The following GRIP1 variants were observed in gnomAD, a reference collection of about 807,000 sequenced individuals.
GRIP1 encodes glutamate receptor interacting protein 1.
In GRIP1, 45 loss-of-function variants were observed where a neutral mutation model predicts 129.9. The ratio of observed to expected loss-of-function variants is 0.35; its 90% CI spans 0.27 to 0.44. GRIP1 has a LOEUF of 0.44. GRIP1 is among the 20% of genes least tolerant of loss of function. GRIP1 has a pLI of 1.00. For missense variants in GRIP1, 1,196 were observed against 1,396.8 expected, an observed-to-expected ratio of 0.86 and a Z score of 2.29; for synonymous variants, 530 against 520.8, an observed-to-expected ratio of 1.02 and a Z score of -0.24.
In GRIP1 at chr12:66,348,709, A is replaced by T; in HGVS notation, c.*310T>A. 2.9e-6 allele frequency: 1 copy of T among 347,006 alleles called. No individual in the cohort carries two copies. Among genetic ancestry groups the T allele is most frequent in the Non-Finnish European group, 5.3e-6 (1 of 188,678 alleles). The allele number at this position is 347,006 out of a possible 1,614,324, so 21.5% of individuals were successfully genotyped here. ...CAGATGTTTCTCTTTTTAAAAAGTG[A>T]TAGTAAGATGAACTTGTAAAAAATT... On this transcript the variant is annotated 3_prime_UTR_variant, in exon 25 of 25. Coordinates refer to ENST00000359742, the MANE Select transcript of GRIP1 (RefSeq NM_001366722.1).
intron 11 of GRIP1, among the ~76,000 whole-genome samples, chr12:66,450,937 C>T (rs932708429): frequency 1.8e-4 from 28 of 152,284 alleles, no homozygotes; most frequent in Middle Eastern, 3.4e-3. Flanking sequence ...AATATTCCCC[C>T]GTCATTTGAA....
chr12:66,972,159 G>A (rs1350723513), intron 1 of GRIP1, among the ~76,000 whole-genome samples: 1 of 152,170 alleles, frequency 6.6e-6, no homozygotes. Flanking sequence ...TTCATCTGCA[G>A]TAAAAGAAAC....
At chr12:66,752,357 A>T (rs774904418) in intron 1 of GRIP1, among the ~76,000 whole-genome samples, 1 of 152,178 alleles carries the variant, frequency 6.6e-6, no homozygotes, top group Non-Finnish European at 1.5e-5. Context: ...TGTATATTTA[A>T]AGTGTTTTCT....
chr12:66,456,747 C>T (rs754776303), intron 9 of GRIP1, among the ~76,000 whole-genome samples: 3 of 152,088 alleles, frequency 2.0e-5, no homozygotes, highest in Non-Finnish European at 4.4e-5. Flanking sequence ...GTTAGTAGCA[C>T]TTGTTTTGAG....
intron 2 of GRIP1, among the ~76,000 whole-genome samples, chr12:66,584,870 T>C (rs1056565312): frequency 6.6e-6 from 1 of 151,900 alleles, no homozygotes; most frequent in African/African-American, 2.4e-5. Flanking sequence ...ATACTCTCTG[T>C]GGATGACCTC....
At chr12:66,414,932 T>TATAAAATAAAATAAA (rs56917803) in intron 15 of GRIP1, among the ~76,000 whole-genome samples, 5,662 of 121,932 alleles carry the variant, frequency 0.046, 277 homozygotes, top group African/African-American at 0.071. Flanking sequence ...TTACACCTTA[T>TATAAAATAAAATAAA]ATAAAATAAA....
At chr12:66,653,868 C>G in intron 1 of GRIP1, among the ~76,000 whole-genome samples, 1 of 152,118 alleles carries the variant, frequency 6.6e-6, no homozygotes, top group African/African-American at 2.4e-5. Flanking sequence ...GAGTAGAGAC[C>G]AGAGGTGTCC....
intron 1 of GRIP1, among the ~76,000 whole-genome samples, chr12:66,974,874 T>C (rs2042129462): frequency 6.6e-6 from 1 of 152,196 alleles, no homozygotes; most frequent in Non-Finnish European, 1.5e-5. Context: ...ATGTGTTCAA[T>C]GGCTCTGCTT....
At chr12:66,628,614 G>T (rs926725111) in intron 1 of GRIP1, among the ~76,000 whole-genome samples, 2 of 152,150 alleles carry the variant, frequency 1.3e-5, no homozygotes. Flanking sequence ...AAAATTTCTT[G>T]TAATTTTCCT....
intron 1 of GRIP1, among the ~76,000 whole-genome samples, chr12:66,917,709 C>T (rs2041147722): frequency 6.6e-6 from 1 of 152,112 alleles, no homozygotes; most frequent in East Asian, 1.9e-4. Flanking sequence ...TTCTGAGACA[C>T]TTTAAAAACA....
intron 1 of GRIP1, among the ~76,000 whole-genome samples, chr12:66,677,972 C>T (rs2034416947): frequency 6.6e-6 from 1 of 152,016 alleles, no homozygotes; most frequent in African/African-American, 2.4e-5. Context: ...CAACTAAATA[C>T]TTTTACTCAG....
chr12:66,797,090 T>C (rs572576569), intron 1 of GRIP1, among the ~76,000 whole-genome samples: 3 of 152,262 alleles, frequency 2.0e-5, no homozygotes, highest in African/African-American at 4.8e-5. Flanking sequence ...GATAGTGGGG[T>C]AGAATTCTAA....
At chr12:66,449,426 T>C (rs2058714630) in intron 11 of GRIP1, among the ~76,000 whole-genome samples, 1 of 138,312 alleles carries the variant, frequency 7.2e-6, no homozygotes. Flanking sequence ...AAGTAGATCA[T>C]TTGTCTAGGA....
At position 66,856,053 on chromosome 12, in the gene GRIP1, C is replaced by T. The variant is rs184069675; in HGVS notation, c.58+212997G>A. Among the ~76,000 whole-genome samples, 342 of 152,054 alleles carry T rather than the reference C, an allele frequency of 2.2e-3. 6 individuals carry two copies. The highest frequency in any genetic ancestry group is 7.8e-4 in the Non-Finnish European group (53 of 67,968). ...AATTTTATAGCATTTCTAGATTCAACTCCAACAGAATACTTAAATCAAAAG... is the reference window on the plus strand; with the variant it reads ...AATTTTATAGCATTTCTAGATTCAATTCCAACAGAATACTTAAATCAAAAG... On this transcript the variant is annotated intron_variant, in intron 1 of 1. Transcript: ENST00000643019.
rs374265348 is a variant in GRIP1, at chr12:66,916,142, G to A, written c.58+152908C>T. On this transcript the variant is annotated intron_variant, in intron 1 of 1. Transcript: ENST00000643019. ...CCCACCTCTACCCTAAATATAAAAT[G>A]ATTGTATCAGAAAGCCTAATAAAAA... Among the ~76,000 whole-genome samples, 4 of 152,308 alleles carry A rather than the reference G, an allele frequency of 2.6e-5. No individual in the cohort carries two copies. In the East Asian group the frequency reaches 7.7e-4, roughly 29 times the overall value.
At chr12:66,395,829 G>C (rs2056765819) in intron 16 of GRIP1, among the ~76,000 whole-genome samples, 1 of 152,190 alleles carries the variant, frequency 6.6e-6, no homozygotes, top group Admixed American at 6.5e-5. Context: ...TCTGTTTGCT[G>C]GTTCACAAGT....
chr12:66,823,064 T>C (rs897809447), intron 1 of GRIP1, among the ~76,000 whole-genome samples: 1 of 152,194 alleles, frequency 6.6e-6, no homozygotes, highest in Non-Finnish European at 1.5e-5. Context: ...AAAACAGACC[T>C]AGTAATTAGT....
At chr12:67,048,557 C>T (rs181159556) in intron 1 of GRIP1, among the ~76,000 whole-genome samples, 111 of 152,188 alleles carry the variant, frequency 7.3e-4, no homozygotes, top group African/African-American at 2.6e-3. Flanking sequence ...GCCTCCCAGA[C>T]TTAAGCAATC....
At chr12:66,659,598 C>T (rs1480256372) in intron 1 of GRIP1, among the ~76,000 whole-genome samples, 1 of 152,192 alleles carries the variant, frequency 6.6e-6, no homozygotes, top group Non-Finnish European at 1.5e-5. Flanking sequence ...AACACATGTA[C>T]CAGTCTCTGT....
Sources: allele counts gnomAD v4.1 joint callset (sites outside exome capture counted in the v4.1 genomes callset), GRCh38; gene constraint gnomAD v4.1.1; transcripts MANE v1.5; gene names NCBI Gene and HGNC (gene_info 2026-07-23, HGNC 2026-07-21).